RALGAPA1: variants seen among roughly 807,000 people sequenced by gnomAD.
RALGAPA1 encodes Ral GTPase activating protein catalytic subunit alpha 1.
RALGAPA1 carries 52 observed loss-of-function variants against 269.6 expected under a neutral mutation model. That is an observed-to-expected ratio of 0.19 (90% confidence interval 0.15 to 0.24). The LOEUF is 0.24. Among genes scored for constraint, RALGAPA1 ranks in the 10% least tolerant of loss-of-function variants. RALGAPA1 has a pLI of 1.00. For synonymous variants in RALGAPA1, 817 were observed against 1,008.3 expected, an observed-to-expected ratio of 0.81 and a Z score of 3.60; for missense variants, 1,917 against 3,013.9, an observed-to-expected ratio of 0.64 and a Z score of 8.52.
Position 35,738,609 on chromosome 14 carries a change from A to T in RALGAPA1, c.1491T>A (p.Ser497Arg), listed in dbSNP as rs1173563247. ...CTTGGTAGGAGCCGTTTTTTGCCCA[A>T]CTGGAATTTCGAACATGATCAGCAG... ...TNTADHVRNS[S>R]WAKNGSYQGA... Residue 497 changes from serine to arginine, a missense_variant, in exon 12 of 42, where the codon AGT becomes AGA. This residue lies in a region of RALGAPA1 where 462 missense variants were observed against 725.6 expected (regional missense o/e 0.64). Coordinates refer to ENST00000680220, the MANE Select transcript of RALGAPA1 (RefSeq NM_001346249.2). 1 of 1,613,470 alleles carries T rather than the reference A, an allele frequency of 6.2e-7. No individual in the cohort carries two copies.
At chr14:35,769,036 ATATATAT>A (rs557378224) in intron 4 of RALGAPA1, among the ~76,000 whole-genome samples, 545 of 24,106 alleles carry the variant, frequency 0.023, 26 homozygotes, top group East Asian at 0.035. Context: ...AAAAAAAAAA[ATATATAT>A]ATATATATAT....
chr14:35,663,727 C>A (rs1419236229), intron 27 of RALGAPA1, among the ~76,000 whole-genome samples: 2 of 151,812 alleles, frequency 1.3e-5, no homozygotes, highest in Non-Finnish European at 2.9e-5. Context: ...GTAGCTGGGA[C>A]TACACGCGCC....
chr14:35,685,196 T>C (rs1468538077), intron 19 of RALGAPA1, 51 bp from the exon 20 acceptor site: 11 of 1,471,070 alleles, frequency 7.5e-6, no homozygotes, highest in African/African-American at 1.4e-5. Context: ...TTATTCTCTT[T>C]AACCATCTGA....
chr14:35,717,852 C>T (rs1041569928), intron 16 of RALGAPA1, among the ~76,000 whole-genome samples: 1 of 152,158 alleles, frequency 6.6e-6, no homozygotes, highest in Non-Finnish European at 1.5e-5. Context: ...GCCACTGTGC[C>T]TGGCCAACAT....
intron 1 of RALGAPA1, among the ~76,000 whole-genome samples, chr14:35,789,561 C>T (rs1352071755): frequency 6.6e-6 from 1 of 151,938 alleles, no homozygotes; most frequent in Non-Finnish European, 1.5e-5. Flanking sequence ...CACTGCACTG[C>T]AGCCTGGGTG....
intron 28 of RALGAPA1, 152 bp downstream of exon 28, chr14:35,658,986 G>C (rs1338292652): frequency 2.3e-6 from 1 of 439,506 alleles, no homozygotes; most frequent in Admixed American, 4.1e-5. Context: ...ATGAAAAAAA[G>C]TAAGAATACT....
At chr14:35,591,284 A>C (rs940794410) in intron 37 of RALGAPA1, among the ~76,000 whole-genome samples, 3 of 141,224 alleles carry the variant, frequency 2.1e-5, no homozygotes, top group African/African-American at 8.6e-5. Context: ...TTATATTTTA[A>C]GTGCTATGTA....
At chr14:35,548,752 T>C (rs1158338142) in intron 40 of RALGAPA1, among the ~76,000 whole-genome samples, 6 of 152,098 alleles carry the variant, frequency 3.9e-5, no homozygotes, top group African/African-American at 1.2e-4. Context: ...AAATCAGAGA[T>C]GATGGGGTGA....
chr14:35,689,775 T>C lies in RALGAPA1; in HGVS notation c.2636A>G (p.Glu879Gly). The C allele has an allele frequency of 6.6e-7, 1 of 1,517,840 alleles. No individual in the cohort carries two copies. Among genetic ancestry groups the C allele is most frequent in the South Asian group, 1.3e-5 (1 of 77,394 alleles). 94.0% of individuals were successfully genotyped at this position (1,517,840 alleles called of 1,614,324 possible). A position where few individuals can be genotyped will look rare whatever the true frequency, so the allele number is the denominator to read the frequency against. Reference sequence around the variant, plus strand: ...AGTGGATCTAGTTATTGAAGAAGCCTCTGTGGAACTCTGCAAGCTTGGTGC... The same window carrying C: ...AGTGGATCTAGTTATTGAAGAAGCCCCTGTGGAACTCTGCAAGCTTGGTGC... Reference protein sequence around the residue: ...RHAPSLQSSTEASSITRSTES... With the variant: ...RHAPSLQSSTGASSITRSTES... Residue 879 changes from glutamate (E) to glycine (G), a missense_variant, in exon 18 of 42, where the codon GAG (glutamate) becomes GGG (glycine). Around this residue, in one of 11 missense-constraint regions of RALGAPA1, gnomAD observed 615 missense variants for 790.0 expected, o/e 0.78. Transcript: ENST00000680220.
At chr14:35,653,247 AAAT>A (rs2062961204) in intron 30 of RALGAPA1, among the ~76,000 whole-genome samples, 1 of 152,260 alleles carries the variant, frequency 6.6e-6, no homozygotes, top group African/African-American at 2.4e-5. Context: ...TCTAAGAATT[AAAT>A]GAGATATCAT....
intron 16 of RALGAPA1, among the ~76,000 whole-genome samples, chr14:35,708,981 CA>C (rs2068048023): frequency 6.6e-6 from 1 of 152,108 alleles, no homozygotes; most frequent in African/African-American, 2.4e-5. Flanking sequence ...CACAGAAAGA[CA>C]AACATCACAT....
chr14:35,789,040 A>T (rs2075982533), intron 1 of RALGAPA1, among the ~76,000 whole-genome samples: 3 of 152,200 alleles, frequency 2.0e-5, no homozygotes, highest in Admixed American at 6.5e-5. Context: ...TCAGGAAGGC[A>T]AGCAAATAAA....
chr14:35,617,632 T>G (rs1187775114), intron 35 of RALGAPA1, among the ~76,000 whole-genome samples: 264 of 4,996 alleles, frequency 0.053, 2 homozygotes, highest in Non-Finnish European at 0.069. Flanking sequence ...TGTGTGTGTG[T>G]GGGGTGGGGG....
chr14:35,667,632 CTGGTGTGCAGATCACACTT>C (rs2064054377), intron 26 of RALGAPA1, among the ~76,000 whole-genome samples: 1 of 152,170 alleles, frequency 6.6e-6, no homozygotes, highest in Non-Finnish European at 1.5e-5. Context: ...CCAAAAGTTT[CTGGTGTGCAGATCACACTT>C]TGGGTAGCAA....
chr14:35,786,191 CAG>C (rs2075781872), intron 1 of RALGAPA1, among the ~76,000 whole-genome samples: 2 of 151,948 alleles, frequency 1.3e-5, no homozygotes, highest in South Asian at 4.2e-4. Flanking sequence ...AGGAATGATA[CAG>C]AGTTTCAGTG....
chr14:35,772,808 G>A lies in RALGAPA1; in HGVS notation c.268-1809C>T, dbSNP rs189652365. ...AGAACAGAGGTTCCAAATTCAATACGCCTATTTCTAAAACCTCTGCCTTGA... is the reference window on the plus strand; with the variant it reads ...AGAACAGAGGTTCCAAATTCAATACACCTATTTCTAAAACCTCTGCCTTGA... On this transcript the variant is annotated intron_variant, in intron 3 of 41. Coordinates refer to ENST00000680220, the MANE Select transcript of RALGAPA1 (RefSeq NM_001346249.2). 7.9e-5 allele frequency among the ~76,000 whole-genome samples: 12 copies of A among 152,220 alleles called. 1 individual carries two copies. Among genetic ancestry groups the A allele is most frequent in the Non-Finnish European group, 1.2e-4 (8 of 68,014 alleles).
chr14:35,795,655 T>C (rs2076504314), intron 1 of RALGAPA1, among the ~76,000 whole-genome samples: 1 of 152,086 alleles, frequency 6.6e-6, no homozygotes, highest in African/African-American at 2.4e-5. Flanking sequence ...TCAAATAACT[T>C]GATTGTATCC....
intron 4 of RALGAPA1, among the ~76,000 whole-genome samples, chr14:35,763,632 C>A (rs2073904249): frequency 6.6e-6 from 1 of 151,908 alleles, no homozygotes. Context: ...GCATACTATT[C>A]CACCGTATGA....
chr14:35,779,380 C>T (rs372186477), intron 1 of RALGAPA1, among the ~76,000 whole-genome samples: 1 of 151,830 alleles, frequency 6.6e-6, no homozygotes, highest in South Asian at 2.1e-4. Context: ...AAAAATCAGC[C>T]AAGCATGGTG....
Sources: gnomAD v4.1 joint callset for allele counts (sites outside exome capture counted in the v4.1 genomes callset) on GRCh38, gnomAD v4.1.1 for gene constraint, gnomAD v4.1.1 regional missense constraint, MANE v1.5 for transcripts, NCBI Gene and HGNC (gene_info 2026-07-23, HGNC 2026-07-21) for gene names.